APOO: variants seen among roughly 807,000 people sequenced by gnomAD.
APOO encodes apolipoprotein O.
In APOO, 11 loss-of-function variants were observed where a neutral mutation model predicts 23.1. The observed-to-expected ratio is 0.48, with a 90% CI of 0.30 to 0.79. The LOEUF is 0.79. APOO is among the 30% of genes least tolerant of loss of function. The probability of loss-of-function intolerance (pLI) is 0.07; values close to 1 mark genes in which losing one functional copy is unlikely to be tolerated. For missense variants in APOO, 160 were observed against 142.7 expected (o/e 1.12, Z -0.62); for synonymous variants, 59 against 54.8 (o/e 1.08, Z -0.34).
At chrX:23,848,024 G>T (rs1924332885) in intron 7 of APOO, among the ~76,000 whole-genome samples, 1 of 108,622 alleles carries the variant, frequency 9.2e-6, no homozygotes, top group South Asian at 4.0e-4. Flanking sequence ...CTACAGGCAT[G>T]TGCCACCACG....
chrX:23,879,442 T>C (rs1262769456), intron 2 of APOO, among the ~76,000 whole-genome samples: 1 of 111,365 alleles, frequency 9.0e-6, no homozygotes, highest in Admixed American at 9.6e-5. Context: ...TCAAAAATAA[T>C]AATAATAATA....
At chrX:23,903,753 C>T (rs1927233293) in intron 1 of APOO, among the ~76,000 whole-genome samples, 1 of 111,460 alleles carries the variant, frequency 9.0e-6, no homozygotes, top group African/African-American at 3.3e-5. Flanking sequence ...AAAGAACAAC[C>T]CCACAAGTTT....
At chrX:23,875,151 G>A (rs147499618) in intron 3 of APOO, among the ~76,000 whole-genome samples, 12,452 of 107,958 alleles carry the variant, frequency 0.12, 870 homozygotes, top group South Asian at 0.51. Flanking sequence ...TCGGGAGGCT[G>A]AGGCAGGAGA....
chrX:23,849,583 T>TAAAAAAAAAAAAAAAAAAAAAAAAAAA lies in APOO; in HGVS notation c.561+6718_561+6719insTTTTTTTTTTTTTTTTTTTTTTTTTTT, dbSNP rs143362355. Among the ~76,000 whole-genome samples the TAAAAAAAAAAAAAAAAAAAAAAAAAAA allele has an allele frequency of 2.8e-4, 9 of 32,593 alleles. 2 individuals carry two copies. Among genetic ancestry groups the TAAAAAAAAAAAAAAAAAAAAAAAAAAA allele is most frequent in the Admixed American group, 8.4e-4 (2 of 2,386 alleles). The allele number at this position is 32,593 out of a possible 115,157, so 28.3% of individuals were successfully genotyped here. A position where few individuals can be genotyped will look rare whatever the true frequency, so the allele number is the denominator to read the frequency against. ...GGGAGCCTGTAGATTAAGAGAGACT[T>TAAAAAAAAAAAAAAAAAAAAAAAAAAA]AAAAAAAAAAAAAAAAAAAAAAAAA... On this transcript the variant is annotated intron_variant, in intron 7 of 8. Transcript: ENST00000379226.
chrX:23,866,528 G>C (rs1200225240), intron 5 of APOO, among the ~76,000 whole-genome samples: 1 of 111,336 alleles, frequency 9.0e-6, no homozygotes. Context: ...CAGCACTTTG[G>C]GGGACACCAA....
At chrX:23,867,140 AAAC>A (rs1925379541) in intron 5 of APOO, among the ~76,000 whole-genome samples, 2 of 110,946 alleles carry the variant, frequency 1.8e-5, no homozygotes, top group Non-Finnish European at 3.8e-5. Context: ...AAACGAAACG[AAAC>A]GAAACTAAAC....
intron 1 of APOO, among the ~76,000 whole-genome samples, chrX:23,891,740 C>T (rs1432795203): frequency 9.1e-6 from 1 of 110,077 alleles, no homozygotes; most frequent in East Asian, 2.8e-4. Context: ...TTCTATTTTC[C>T]ATGTAAATAA....
chrX:23,889,664 T>C (rs996965850), intron 1 of APOO, among the ~76,000 whole-genome samples: 4 of 100,042 alleles, frequency 4.0e-5, no homozygotes, highest in Non-Finnish European at 8.1e-5. Flanking sequence ...TTGTTTTTTT[T>C]TTTTTTTTTT....
At chrX:23,850,216 T>C (rs1924470206) in intron 7 of APOO, among the ~76,000 whole-genome samples, 1 of 112,381 alleles carries the variant, frequency 8.9e-6, no homozygotes, top group African/African-American at 3.2e-5. Context: ...TGTTAGTGAA[T>C]CTAAGTGAAG....
At chrX:23,858,843 A>G (rs999996227) in intron 5 of APOO, 110 bp from the exon 6 acceptor site, 15 of 697,144 alleles carry the variant, frequency 2.2e-5, no homozygotes, top group Non-Finnish European at 2.5e-5. Context: ...GCTCACGCCT[A>G]TAATCCAAAA....
intron 1 of APOO, among the ~76,000 whole-genome samples, chrX:23,892,338 G>T (rs947848612): frequency 2.4e-5 from 2 of 84,129 alleles, no homozygotes; most frequent in African/African-American, 8.1e-5. Context: ...TGCAACCTCC[G>T]CCGTCTCTCG....
chrX:23,890,262 G>A (rs912453617), intron 1 of APOO, among the ~76,000 whole-genome samples: 2 of 111,695 alleles, frequency 1.8e-5, no homozygotes, highest in Non-Finnish European at 3.8e-5. Context: ...AATCTCTCCC[G>A]TCTTAAACAA....
intron 7 of APOO, among the ~76,000 whole-genome samples, chrX:23,841,986 T>C (rs1238513256): frequency 2.7e-5 from 3 of 111,552 alleles, no homozygotes; most frequent in African/African-American, 9.8e-5. Context: ...TACTTCCTGA[T>C]TGTGTAATTA....
chrX:23,891,121 T>G (rs1446776710), intron 1 of APOO, among the ~76,000 whole-genome samples: 1 of 111,570 alleles, frequency 9.0e-6, no homozygotes, highest in African/African-American at 3.3e-5. Flanking sequence ...CCTCCCCTTT[T>G]GGGCCTTCTC....
chrX:23,902,745 C>T (rs968003833), intron 1 of APOO, among the ~76,000 whole-genome samples: 3 of 111,807 alleles, frequency 2.7e-5, no homozygotes, highest in Non-Finnish European at 5.6e-5. Flanking sequence ...AGACACACTG[C>T]ACTTTTACTA....
At chrX:23,868,712 G>T in intron 4 of APOO, 24 bp from the exon 5 acceptor site, 1 of 1,144,077 alleles carries the variant, frequency 8.7e-7, no homozygotes, top group Admixed American at 2.3e-5. Flanking sequence ...AGACCAGGAA[G>T]CAGTTCCATA....
At chrX:23,839,126 C>G (rs1255073998) in intron 8 of APOO, among the ~76,000 whole-genome samples, 1 of 111,935 alleles carries the variant, frequency 8.9e-6, no homozygotes, top group Non-Finnish European at 1.9e-5. Flanking sequence ...TCTGGGGTGC[C>G]CTTTGCCTTT....
Position 23,902,154 on chromosome X carries a change from G to A in APOO, c.9+5540C>T, listed in dbSNP as rs115391189. On this transcript the variant is annotated intron_variant, in intron 1 of 8. Coordinates refer to ENST00000379226, the MANE Select transcript of APOO (RefSeq NM_024122.5). ...TGGTATAGGTTCTAGACTGGGCATCGGGACTTTTAAAAGCTCCCCAGGTGG... is the reference window on the plus strand; with the variant it reads ...TGGTATAGGTTCTAGACTGGGCATCAGGACTTTTAAAAGCTCCCCAGGTGG... Among the ~76,000 whole-genome samples the A allele has an allele frequency of 3.6e-3, 398 of 111,641 alleles. 3 individuals are homozygous for A. Among genetic ancestry groups the A allele is most frequent in the African/African-American group, 0.012 (359 of 30,721 alleles).
intron 1 of APOO, among the ~76,000 whole-genome samples, chrX:23,895,134 G>A (rs1410301608): frequency 1.9e-5 from 2 of 105,891 alleles, no homozygotes; most frequent in African/African-American, 6.9e-5. Context: ...GTGAGACTCC[G>A]CCTCAAAAAA....
Sources: allele counts gnomAD v4.1 joint callset (sites outside exome capture counted in the v4.1 genomes callset), GRCh38; gene constraint gnomAD v4.1.1; transcripts MANE v1.5; gene names NCBI Gene and HGNC (gene_info 2026-07-23, HGNC 2026-07-21).